DMD: variants seen among roughly 807,000 people sequenced by gnomAD.
DMD encodes the protein mutant dystrophin.
DMD carries 63 observed loss-of-function variants against 330.1 expected under a neutral mutation model. That is an observed-to-expected ratio of 0.19 (90% CI 0.16 to 0.24). The LOEUF is 0.24. DMD is among the 10% of genes least tolerant of loss of function. DMD has a pLI of 1.00. For missense variants in DMD, 3,344 were observed against 2,684.1 expected, an observed-to-expected ratio of 1.25 and a Z score of -5.43; for synonymous variants, 1,223 against 959.8, an observed-to-expected ratio of 1.27 and a Z score of -5.07.
intron 1 of DMD, among the ~76,000 whole-genome samples, chrX:33,226,321 G>A (rs911369692): frequency 1.8e-5 from 2 of 111,554 alleles, no homozygotes; most frequent in African/African-American, 6.5e-5. Context: ...CAACCCAGAT[G>A]TCCTTCAACA....
chrX:32,187,009 ATTAAAAGT>A (rs2096950579), intron 44 of DMD, among the ~76,000 whole-genome samples: 1 of 110,885 alleles, frequency 9.0e-6, no homozygotes, highest in Non-Finnish European at 1.9e-5. Flanking sequence ...CTTTTTCAAA[ATTAAAAGT>A]TTTTTTTAAA....
chrX:32,464,874 T>C (rs1400751447), intron 23 of DMD, among the ~76,000 whole-genome samples, 175 bp from the exon 24 acceptor site: 1 of 112,244 alleles, frequency 8.9e-6, no homozygotes, highest in African/African-American at 3.2e-5. Context: ...TATGGTCTAC[T>C]GTATGAGCAC....
chrX:32,577,109 AT>A (rs1355135308), intron 13 of DMD, among the ~76,000 whole-genome samples: 1 of 111,741 alleles, frequency 8.9e-6, no homozygotes, highest in African/African-American at 3.3e-5. Context: ...CAATGAGTCT[AT>A]TAGGGTTACT....
At chrX:31,157,799 C>CTT (rs5901974) in intron 74 of DMD, among the ~76,000 whole-genome samples, 3 of 99,493 alleles carry the variant, frequency 3.0e-5, no homozygotes, top group Non-Finnish European at 4.1e-5. Flanking sequence ...ACTATAGAAT[C>CTT]TTTTTTTTTT....
chrX:31,585,245 G>A (rs1418056246), intron 55 of DMD, among the ~76,000 whole-genome samples: 1 of 102,683 alleles, frequency 9.7e-6, no homozygotes, highest in African/African-American at 3.6e-5. Context: ...GATCACCCGA[G>A]CCCAGGAGGT....
chrX:31,197,180 T>C (rs1189878656), intron 67 of DMD, among the ~76,000 whole-genome samples: 1 of 111,759 alleles, frequency 8.9e-6, no homozygotes, highest in Non-Finnish European at 1.9e-5. Flanking sequence ...GGTTAAGAAA[T>C]GTGTCCACAG....
At chrX:32,619,695 G>A (rs1050898421) in intron 11 of DMD, among the ~76,000 whole-genome samples, 1 of 111,579 alleles carries the variant, frequency 9.0e-6, no homozygotes. Flanking sequence ...ACTATTGGCA[G>A]GAAAGATAGA....
chrX:31,244,081 TAA>T (rs1283472420), intron 63 of DMD, among the ~76,000 whole-genome samples: 1 of 112,202 alleles, frequency 8.9e-6, no homozygotes, highest in Non-Finnish European at 1.9e-5. Flanking sequence ...CCTGGAGAGA[TAA>T]GTTAAAGGTA....
At chrX:31,862,613 A>G (rs1191383539) in intron 48 of DMD, among the ~76,000 whole-genome samples, 1 of 112,618 alleles carries the variant, frequency 8.9e-6, no homozygotes, top group East Asian at 2.8e-4. Flanking sequence ...ACAGTTCCAG[A>G]AAACAACACT....
chrX:31,366,464 C>G (rs182054978), intron 60 of DMD, among the ~76,000 whole-genome samples: 104 of 38,415 alleles, frequency 2.7e-3, no homozygotes, highest in African/African-American at 0.013. Context: ...CACTCTCTCT[C>G]TCTCTCAAAA....
intron 2 of DMD, among the ~76,000 whole-genome samples, chrX:32,960,916 TAAAAAAAAA>T: frequency 1.5e-5 from 1 of 68,660 alleles, no homozygotes; most frequent in East Asian, 4.8e-4. Context: ...GCACCATTTG[TAAAAAAAAA>T]AAAAAAAAAA....
At chrX:31,724,400 TG>T (rs949124079) in intron 52 of DMD, among the ~76,000 whole-genome samples, 9 of 112,148 alleles carry the variant, frequency 8.0e-5, no homozygotes, top group East Asian at 2.8e-4. Context: ...GTGTGAGAGA[TG>T]TTTTTTTTTA....
intron 1 of DMD, among the ~76,000 whole-genome samples, chrX:33,133,504 C>T (rs926978411): frequency 1.8e-5 from 2 of 110,846 alleles, no homozygotes; most frequent in African/African-American, 6.5e-5. Context: ...AACACATTAC[C>T]CAATAAAGTA....
intron 17 of DMD, among the ~76,000 whole-genome samples, chrX:32,521,690 A>T (rs228337): frequency 0.23 from 25,241 of 111,659 alleles, 2,187 homozygotes; most frequent in African/African-American, 0.3. Context: ...CAAGGTTTAA[A>T]GTTTGATCTT....
intron 25 of DMD, among the ~76,000 whole-genome samples, chrX:32,463,159 T>G (rs1397977374): frequency 8.9e-6 from 1 of 111,780 alleles, no homozygotes. Flanking sequence ...AAACATGGAT[T>G]GGAAATAATG....
At chrX:32,669,601 C>T (rs1045929923) in intron 9 of DMD, among the ~76,000 whole-genome samples, 9 of 111,818 alleles carry the variant, frequency 8.0e-5, no homozygotes, top group Admixed American at 2.9e-4. Context: ...CCCTGCAATG[C>T]GATTCTATCA....
chrX:32,283,903 A>G (rs2097429846), intron 43 of DMD, among the ~76,000 whole-genome samples: 1 of 111,614 alleles, frequency 9.0e-6, no homozygotes, highest in Admixed American at 9.5e-5. Flanking sequence ...TGCTTCTGCC[A>G]GAGACCCTAG....
chrX:32,444,892 T>C (rs776634812), intron 27 of DMD, among the ~76,000 whole-genome samples: 1 of 110,958 alleles, frequency 9.0e-6, no homozygotes, highest in South Asian at 3.8e-4. Flanking sequence ...AAGGGGTGGT[T>C]GGTATTCATT....
At chrX:33,252,584 C>T (rs1277899718) in intron 1 of DMD, among the ~76,000 whole-genome samples, 1 of 107,558 alleles carries the variant, frequency 9.3e-6, no homozygotes, top group Non-Finnish European at 1.9e-5. Context: ...AACTAGTCCT[C>T]CCTGAGAATG....
Sources: allele counts gnomAD v4.1 joint callset (sites outside exome capture counted in the v4.1 genomes callset), GRCh38; gene constraint gnomAD v4.1.1; transcripts MANE v1.5; gene names NCBI Gene and HGNC (gene_info 2026-07-23, HGNC 2026-07-21).